The following ZNF512 variants were observed in gnomAD, a reference collection of about 807,000 sequenced individuals.
The protein encoded by ZNF512 is zinc finger protein 512.
Under a neutral mutation model 77.5 loss-of-function variants are expected in ZNF512, and 25 were observed. The ratio of observed to expected loss-of-function variants is 0.32; its 90% CI spans 0.23 to 0.45. The LOEUF is 0.45. ZNF512 is among the 20% of genes least tolerant of loss of function. The pLI, the probability that ZNF512 is intolerant of heterozygous loss-of-function variation, is 1.00. For missense variants in ZNF512, 483 were observed against 692.6 expected, an observed-to-expected ratio of 0.70 and a Z score of 3.40; for synonymous variants, 246 against 239.9, an observed-to-expected ratio of 1.03 and a Z score of -0.24.
At chr2:27,605,537 G>A (rs1425206582) in intron 9 of ZNF512, among the ~76,000 whole-genome samples, 4 of 151,812 alleles carry the variant, frequency 2.6e-5, no homozygotes, top group African/African-American at 9.7e-5. Context: ...GTGCAGTGGC[G>A]CCACCTTGGC....
chr2:27,583,628 G>C, intron 1 of ZNF512, 30 bp from the exon 2 acceptor site: 1 of 1,613,582 alleles, frequency 6.2e-7, no homozygotes, highest in South Asian at 1.1e-5. Flanking sequence ...GAGGTCCCTA[G>C]CACTCACTCG....
chr2:27,607,179 T>C (rs958374749), intron 9 of ZNF512, among the ~76,000 whole-genome samples: 3 of 152,186 alleles, frequency 2.0e-5, no homozygotes, highest in African/African-American at 4.8e-5. Flanking sequence ...CCCAGCCAAC[T>C]TGACACATCA....
At chr2:27,592,092 T>TA (rs1671610216) in intron 2 of ZNF512, among the ~76,000 whole-genome samples, 1 of 151,888 alleles carries the variant, frequency 6.6e-6, no homozygotes, top group Non-Finnish European at 1.5e-5. Flanking sequence ...TGGGCTCAGG[T>TA]GATTCTCCCA....
chr2:27,613,364 C>T (rs1038190694), intron 10 of ZNF512, among the ~76,000 whole-genome samples: 9 of 151,964 alleles, frequency 5.9e-5, no homozygotes, highest in Middle Eastern at 3.4e-3. Context: ...GGCATGGTGG[C>T]GCACACCTGT....
At chr2:27,604,730 G>T (rs1672280658) in intron 9 of ZNF512, among the ~76,000 whole-genome samples, 1 of 152,134 alleles carries the variant, frequency 6.6e-6, no homozygotes, top group Non-Finnish European at 1.5e-5. Flanking sequence ...GCAGAGCTGT[G>T]ATCATACCAC....
chr2:27,593,194 CTACACACACACACA>C (rs1671672357), intron 2 of ZNF512, among the ~76,000 whole-genome samples: 1 of 113,534 alleles, frequency 8.8e-6, no homozygotes, highest in African/African-American at 3.6e-5. Context: ...GACCCTGTCT[CTACACACACACACA>C]CACACACACA....
chr2:27,595,103 T>C (rs572818329), intron 2 of ZNF512, among the ~76,000 whole-genome samples: 54 of 152,138 alleles, frequency 3.5e-4, no homozygotes, highest in Admixed American at 1.6e-3. Flanking sequence ...TGGTCCAGCC[T>C]TGGCAACAGA....
rs570692052 is a variant in ZNF512, at chr2:27,603,265, G to A, written c.894G>A (p.Ser298=). The change falls in exon 9 of 14, where the codon TCG becomes TCA. Residue 298 remains serine, a synonymous_variant. Coordinates refer to ENST00000355467, the MANE Select transcript of ZNF512 (RefSeq NM_032434.4). ...ACCACTGTGGAAAACCATATAGGTC[G>A]AAGGCTGGACTTGCATATCACCTGA... is the stretch of plus-strand genomic sequence containing the variant. ...KCHHCGKPYR[S]KAGLAYHLRS... is the part of the protein sequence containing the mutation. 1.5e-4 allele frequency: 238 copies of A among 1,613,984 alleles called. 3 individuals are homozygous for A. In the South Asian group the frequency reaches 2.0e-3, roughly 13 times the overall value.
At chr2:27,599,533 C>A (rs1321922325) in intron 3 of ZNF512, 50 bp from the exon 4 acceptor site, 4 of 1,395,824 alleles carry the variant, frequency 2.9e-6, no homozygotes, top group South Asian at 1.2e-5. Flanking sequence ...CCTAGATGTT[C>A]ATTTACAAAG....
At position 27,599,750 on chromosome 2, in the gene ZNF512, G is replaced by A; in HGVS notation, c.373+72G>A. 2.1e-6 allele frequency: 3 copies of A among 1,452,580 alleles called. No homozygotes were observed. In the East Asian group the frequency reaches 6.9e-5, roughly 33 times the overall value. The allele number at this position is 1,452,580 out of a possible 1,614,324, so 90.0% of individuals were successfully genotyped here. A position where few individuals can be genotyped will look rare whatever the true frequency, so the allele number is the denominator to read the frequency against. On this transcript the variant is annotated intron_variant, in intron 4 of 13. Coordinates refer to ENST00000355467, the MANE Select transcript of ZNF512 (RefSeq NM_032434.4). Reference sequence around the variant, plus strand: ...TTATTCTTTGAGGGTAAAGGAAAGAGAAGCCTTAGTTTGAGCCCTTCAGTG... The same window carrying A: ...TTATTCTTTGAGGGTAAAGGAAAGAAAAGCCTTAGTTTGAGCCCTTCAGTG...
rs2148053490 is a variant in ZNF512, at chr2:27,623,124, T to G, written c.*1663T>G. The G allele has an allele frequency of 6.6e-6, 1 of 152,610 alleles. No individual in the cohort carries two copies. The highest frequency in any genetic ancestry group is 6.5e-5 in the Admixed American group (1 of 15,290). The allele number at this position is 152,610 out of a possible 1,614,324, so 9.5% of individuals were successfully genotyped here. On this transcript the variant is annotated 3_prime_UTR_variant, in exon 14 of 14. Coordinates refer to ENST00000355467, the MANE Select transcript of ZNF512 (RefSeq NM_032434.4). The stretch of plus-strand genomic sequence containing the variant: ...TTTCCAGTGTTCTTTGACGCCGACC[T>G]GCTGCATGACTCCTTGACACTGTAT...
intron 9 of ZNF512, among the ~76,000 whole-genome samples, chr2:27,605,454 A>T (rs2148027778): frequency 6.6e-6 from 1 of 151,980 alleles, no homozygotes; most frequent in Non-Finnish European, 1.5e-5. Flanking sequence ...ACCCTGACTC[A>T]AAAACAAAAA....
intron 12 of ZNF512, 46 bp from the exon 13 acceptor site, chr2:27,617,427 T>C: frequency 1.2e-6 from 1 of 809,328 alleles, no homozygotes; most frequent in Non-Finnish European, 2.2e-6. Context: ...CCAGTTATGT[T>C]GCTGAATTTA....
rs749042871 is a variant in ZNF512, at chr2:27,600,066, T to C, written c.457+13T>C. 1 of 1,613,306 alleles carries C rather than the reference T, an allele frequency of 6.2e-7. No individual in the cohort carries two copies. Among genetic ancestry groups the C allele is most frequent in the Admixed American group, 1.7e-5 (1 of 59,924 alleles). ...GTTTATGCAGCAGGTATGTTTTCTTTTGGAAGTTTTGAGGGATGTAGTTCT... is the reference window on the plus strand; with the variant it reads ...GTTTATGCAGCAGGTATGTTTTCTTCTGGAAGTTTTGAGGGATGTAGTTCT... On this transcript the variant is annotated intron_variant, in intron 5 of 13. Coordinates refer to ENST00000355467, the MANE Select transcript of ZNF512 (RefSeq NM_032434.4).
rs1219737740 is a variant in ZNF512, at chr2:27,607,929, C to T, written c.1021C>T (p.Arg341Cys). ...ESKSGGRVQR[R>C]SAKIAVYHLQ... ...AAAGAGTGGGGGCCGAGTTCAGAGA[C>T]GTTCTGCCAAGATAGCTGTATACCA... Residue 341 changes from arginine (R) to cysteine (C), a missense_variant, in exon 10 of 14, where the codon CGT becomes TGT. Physicochemically the swap from Arg to Cys is radical, Grantham distance 180 (BLOSUM62 -3). Coordinates refer to ENST00000355467, the MANE Select transcript of ZNF512 (RefSeq NM_032434.4). 5.0e-6 allele frequency: 8 copies of T among 1,614,066 alleles called. No individual in the cohort carries two copies. Among genetic ancestry groups the T allele is most frequent in the South Asian group, 1.1e-5 (1 of 91,076 alleles).
At chr2:27,609,537 G>T (rs926255218) in intron 10 of ZNF512, among the ~76,000 whole-genome samples, 1 of 152,042 alleles carries the variant, frequency 6.6e-6, no homozygotes, top group Non-Finnish European at 1.5e-5. Context: ...AGACCAGCCT[G>T]GTCAACATGA....
rs138329866 is a variant in ZNF512 at position 27,607,909 on chromosome 2, G to A, written c.1001G>A (p.Ser334Asn). The change falls in exon 10 of 14, where the codon AGT (serine) becomes AAT (asparagine). Residue 334 changes from serine to asparagine, a missense_variant. Physicochemically the swap from Ser to Asn is conservative, Grantham distance 46. Coordinates refer to ENST00000355467, the MANE Select transcript of ZNF512 (RefSeq NM_032434.4). ...AAGGAGATGAACCTAGAGTCAAAGA[G>A]TGGGGGCCGAGTTCAGAGACGTTCT... ...CLKEMNLESK[S>N]GGRVQRRSAK... 4.8e-4 allele frequency: 772 copies of A among 1,614,062 alleles called. No individual in the cohort carries two copies. Among genetic ancestry groups the A allele is most frequent in the Non-Finnish European group, 6.1e-4 (714 of 1,180,044 alleles).
chr2:27,617,345 G>A (rs1321685684), intron 12 of ZNF512, 128 bp from the exon 13 acceptor site: 3 of 627,404 alleles, frequency 4.8e-6, no homozygotes. Context: ...TTACTATATT[G>A]GATCTTTTTC....
chr2:27,606,210 T>A (rs1432888940), intron 9 of ZNF512, among the ~76,000 whole-genome samples: 6 of 152,150 alleles, frequency 3.9e-5, no homozygotes, highest in African/African-American at 1.4e-4. Context: ...TGGGTTTTTT[T>A]ATCATTCCGG....
Sources: allele counts gnomAD v4.1 joint callset (sites outside exome capture counted in the v4.1 genomes callset), GRCh38; gene constraint gnomAD v4.1.1; transcripts MANE v1.5; gene names NCBI Gene and HGNC (gene_info 2026-07-23, HGNC 2026-07-21).